BLTP1: variants seen among roughly 807,000 people sequenced by gnomAD.
BLTP1 encodes the protein fragile site-associated protein.
At chr4:122,285,805 G>A in the BLTP1 span, among the ~76,000 whole-genome samples, 1 of 152,114 alleles carries the variant, frequency 6.6e-6, no homozygotes, top group Admixed American at 6.5e-5. Flanking sequence ...CATTACATGT[G>A]TAAAGGGCAA....
the BLTP1 span, chr4:122,214,353 T>C: frequency 6.4e-6 from 6 of 933,750 alleles, no homozygotes; most frequent in African/African-American, 1.1e-4. Context: ...TCAAGCATAA[T>C]GTAAATTTGA....
the BLTP1 span, among the ~76,000 whole-genome samples, chr4:122,203,383 A>G: frequency 4.6e-5 from 7 of 150,700 alleles, no homozygotes; most frequent in African/African-American, 1.7e-4. Context: ...ATTTACTCTG[A>G]TAAGGAGGAG....
the BLTP1 span, among the ~76,000 whole-genome samples, chr4:122,206,834 G>A: frequency 6.6e-6 from 1 of 151,590 alleles, no homozygotes; most frequent in South Asian, 2.1e-4. Context: ...TAGTGGAACA[G>A]CAGGTGATTT....
At chr4:122,216,846 T>C in the BLTP1 span, among the ~76,000 whole-genome samples, 5 of 152,262 alleles carry the variant, frequency 3.3e-5, no homozygotes, top group African/African-American at 1.2e-4. Flanking sequence ...CCTAAGCCAA[T>C]GTCTAGAAGA....
the BLTP1 span, among the ~76,000 whole-genome samples, chr4:122,312,187 C>T: frequency 3.3e-5 from 5 of 152,038 alleles, no homozygotes; most frequent in African/African-American, 9.7e-5. Context: ...AGGCACATGC[C>T]GCCATACCTG....
At chr4:122,228,192 C>T in the BLTP1 span, among the ~76,000 whole-genome samples, 11 of 152,060 alleles carry the variant, frequency 7.2e-5, no homozygotes, top group Middle Eastern at 3.2e-3. Context: ...GGATTACAGG[C>T]GTGAGCCACT....
the BLTP1 span, chr4:122,268,996 A>G: frequency 1.6e-5 from 6 of 373,110 alleles, no homozygotes; most frequent in South Asian, 4.4e-4. Flanking sequence ...CCTTATTGGG[A>G]GACTTGTTAT....
At chr4:122,186,523 ATATT>A in the BLTP1 span, among the ~76,000 whole-genome samples, 2 of 152,054 alleles carry the variant, frequency 1.3e-5, no homozygotes, top group Non-Finnish European at 2.9e-5. Context: ...GTATACATAC[ATATT>A]TAAGGTGCTT....
At chr4:122,282,158 A>G in the BLTP1 span, 1 of 823,112 alleles carries the variant, frequency 1.2e-6, no homozygotes, top group Non-Finnish European at 1.5e-6. Flanking sequence ...AAAACAGCTA[A>G]TTCTGTATGG....
At chr4:122,167,714 C>T in the BLTP1 span, 37 of 985,324 alleles carry the variant, frequency 3.8e-5, no homozygotes, top group Non-Finnish European at 4.2e-5. Context: ...TCCGTCATGC[C>T]ATTGGATACT....
At chr4:122,330,490 C>T in the BLTP1 span, among the ~76,000 whole-genome samples, 20 of 151,884 alleles carry the variant, frequency 1.3e-4, no homozygotes, top group Non-Finnish European at 2.5e-4. Context: ...TAATATTGAA[C>T]ACCTTTTCAA....
the BLTP1 span, chr4:122,209,082 C>G: frequency 9.0e-6 from 12 of 1,339,676 alleles, no homozygotes; most frequent in Non-Finnish European, 1.2e-5. Flanking sequence ...TTGTTGTAGA[C>G]AGGTTTGCCC....
chr4:122,304,891 A>G, the BLTP1 span: 2 of 1,614,014 alleles, frequency 1.2e-6, no homozygotes, highest in East Asian at 2.2e-5. Flanking sequence ...ACTTCAAACC[A>G]AAGCTTCACC....
the BLTP1 span, among the ~76,000 whole-genome samples, chr4:122,339,993 TA>T: frequency 6.6e-6 from 1 of 152,232 alleles, no homozygotes; most frequent in East Asian, 1.9e-4. Context: ...ACTTCTGTCC[TA>T]AAAATGAAAT....
the BLTP1 span, among the ~76,000 whole-genome samples, chr4:122,283,561 G>T: frequency 6.6e-6 from 1 of 152,096 alleles, no homozygotes; most frequent in African/African-American, 2.4e-5. Context: ...GCCCAGGCTG[G>T]AGGGCAGTGG....
chr4:122,289,228 G>T, the BLTP1 span: 1 of 1,424,242 alleles, frequency 7.0e-7, no homozygotes. Context: ...ATAGGTGTAG[G>T]TTTTTATTCT....
the BLTP1 span, chr4:122,263,452 A>G: frequency 3.8e-6 from 6 of 1,597,982 alleles, no homozygotes; most frequent in Non-Finnish European, 5.1e-6. Context: ...GAAATACAGT[A>G]GCCACTGATA....
chr4:122,277,097 G>C, the BLTP1 span: 1 of 983,440 alleles, frequency 1.0e-6, no homozygotes. Context: ...AGAAGTTATT[G>C]GAGCCAAGGT....
the BLTP1 span, chr4:122,318,099 T>TA: frequency 1.4e-4 from 219 of 1,563,792 alleles, 1 homozygote; most frequent in Non-Finnish European, 2.1e-5. Flanking sequence ...AAATCAGTCT[T>TA]ACTTTGTTAT....
Sources: gnomAD v4.1 joint callset for allele counts (sites outside exome capture counted in the v4.1 genomes callset) on GRCh38, gnomAD v4.1.1 for gene constraint, MANE v1.5 for transcripts, NCBI Gene and HGNC (gene_info 2026-07-23, HGNC 2026-07-21) for gene names.